The following NBAS variants were observed in gnomAD, a reference collection of about 807,000 sequenced individuals.
NBAS encodes NBAS subunit of NRZ tethering complex, also known as NAG/BC035112 fusion.
A neutral mutation model predicts 302.5 loss-of-function variants in NBAS; 219 were observed. That is an observed-to-expected ratio of 0.72 (90% CI 0.65 to 0.81). The LOEUF (loss-of-function observed/expected upper bound fraction) is 0.81, where lower values mean the gene tolerates loss of function less well. Ranked by LOEUF, NBAS falls within the 30% of genes least tolerant of loss-of-function variation. NBAS has a pLI of 0.00. For missense variants in NBAS, 2,932 were observed against 2,841.6 expected (o/e 1.03, Z -0.72); for synonymous variants, 1,118 against 1,021.6 (o/e 1.09, Z -1.80).
chr2:15,504,674 T>C (rs577562730), intron 10 of NBAS, among the ~76,000 whole-genome samples: 1 of 152,354 alleles, frequency 6.6e-6, no homozygotes, highest in African/African-American at 2.4e-5. Flanking sequence ...TGACAATTTT[T>C]TGTCTTTAGA....
intron 25 of NBAS, among the ~76,000 whole-genome samples, chr2:15,405,869 A>G (rs891582857): frequency 6.6e-6 from 1 of 152,136 alleles, no homozygotes; most frequent in African/African-American, 2.4e-5. Context: ...AAATGTGCAA[A>G]ACATCTAAGA....
At chr2:15,052,678 T>G in the NBAS span, among the ~76,000 whole-genome samples, 1 of 152,214 alleles carries the variant, frequency 6.6e-6, no homozygotes, top group Non-Finnish European at 1.5e-5. Context: ...CATTTATGTT[T>G]TATATTTAGT....
intron 19 of NBAS, among the ~76,000 whole-genome samples, chr2:15,463,807 C>G: frequency 1.6e-5 from 1 of 63,430 alleles, no homozygotes; most frequent in Non-Finnish European, 3.8e-5. Context: ...AAAAAAAAAG[C>G]ACCAGGAAAA....
the NBAS span, among the ~76,000 whole-genome samples, chr2:14,779,699 C>T: frequency 1.3e-5 from 2 of 152,194 alleles, no homozygotes; most frequent in Non-Finnish European, 2.9e-5. Flanking sequence ...GTGTTCTCCA[C>T]AAAACTTGCC....
intron 44 of NBAS, among the ~76,000 whole-genome samples, chr2:15,261,311 T>A (rs1668841636): frequency 6.6e-6 from 1 of 152,234 alleles, no homozygotes; most frequent in Admixed American, 6.5e-5. Context: ...GTGCTGTTTA[T>A]AAATCGTATA....
intron 29 of NBAS, among the ~76,000 whole-genome samples, 189 bp from the exon 30 acceptor site, chr2:15,380,020 G>A (rs759500693): frequency 1.1e-4 from 16 of 152,080 alleles, no homozygotes; most frequent in Admixed American, 2.6e-4. Flanking sequence ...TTTACATTAT[G>A]TGACTTTCTC....
rs373187476 is a variant in NBAS at position 15,187,905 on chromosome 2, G to A, written c.6573-1025C>T. Among the ~76,000 whole-genome samples, 17 of 152,320 alleles carry A rather than the reference G, an allele frequency of 1.1e-4. No individual in the cohort carries two copies. In the South Asian group the frequency reaches 2.1e-3, roughly 19 times the overall value. On this transcript the variant is annotated intron_variant, in intron 49 of 51. Coordinates refer to ENST00000281513, the MANE Select transcript of NBAS (RefSeq NM_015909.4). ...GTCTCAGCTCAAACTGACAATCTGT[G>A]CGAACAAAGAACACTGCTTACTTCA...
At chr2:14,950,135 A>G in the NBAS span, among the ~76,000 whole-genome samples, 1 of 152,138 alleles carries the variant, frequency 6.6e-6, no homozygotes, top group African/African-American at 2.4e-5. Flanking sequence ...ACACTGCACC[A>G]TATATGTTGT....
the NBAS span, among the ~76,000 whole-genome samples, chr2:15,071,351 C>T: frequency 4.6e-5 from 7 of 152,152 alleles, no homozygotes; most frequent in African/African-American, 9.7e-5. Flanking sequence ...AGGGGCCGGG[C>T]GCGGTGGCTC....
intron 2 of NBAS, 104 bp from the exon 3 acceptor site, chr2:15,556,923 T>G: frequency 2.2e-6 from 2 of 894,802 alleles, no homozygotes; most frequent in Non-Finnish European, 3.6e-6. Flanking sequence ...ACAGAGCGAG[T>G]CATTAAAAAA....
At chr2:15,464,968 G>A (rs996276226) in intron 19 of NBAS, among the ~76,000 whole-genome samples, 1 of 152,192 alleles carries the variant, frequency 6.6e-6, no homozygotes, top group Non-Finnish European at 1.5e-5. Context: ...ACCTGATTAT[G>A]AGCCCTTGCT....
At chr2:15,162,982 A>C (rs557710810), downstream of NBAS, among the ~76,000 whole-genome samples, 39 of 152,288 alleles carry the variant, frequency 2.6e-4, no homozygotes, top group South Asian at 7.7e-3. Flanking sequence ...TTTTCTTTCC[A>C]AAAAGATAAG....
chr2:14,895,979 G>A, the NBAS span, among the ~76,000 whole-genome samples: 1 of 147,008 alleles, frequency 6.8e-6, no homozygotes, highest in Admixed American at 6.7e-5. Flanking sequence ...AAACCTGCAC[G>A]TGTTACCTCC....
chr2:14,899,564 T>C, the NBAS span, among the ~76,000 whole-genome samples: 2 of 152,212 alleles, frequency 1.3e-5, no homozygotes, highest in African/African-American at 2.4e-5. Flanking sequence ...ACTGTGTTGA[T>C]AGGCCATTCA....
chr2:15,228,597 T>C (rs549612333), intron 47 of NBAS, among the ~76,000 whole-genome samples: 10 of 152,300 alleles, frequency 6.6e-5, no homozygotes, highest in African/African-American at 2.4e-4. Context: ...TAAATGCCCA[T>C]CTAAAGATTA....
At position 15,429,037 on chromosome 2, in the gene NBAS, C is replaced by CAA. The variant is rs11405002; in HGVS notation, c.2340-1245_2340-1244dup. On this transcript the variant is annotated intron_variant, in intron 21 of 51. Transcript: ENST00000281513. Reference sequence around the variant, plus strand: ...TGGGTGACAGACTGATACTCTGTCTCAAAAAAAAAAAAAAGAATAAATTTA... The same window carrying CAA: ...TGGGTGACAGACTGATACTCTGTCTCAAAAAAAAAAAAAAAAGAATAAATTTA... Among the ~76,000 whole-genome samples, 1,065 of 132,464 alleles carry CAA rather than the reference C, an allele frequency of 8.0e-3. 6 individuals carry two copies. Among genetic ancestry groups the CAA allele is most frequent in the Middle Eastern group, 0.037 (10 of 268 alleles). The allele number at this position is 132,464 out of a possible 152,430, so 86.9% of individuals were successfully genotyped here.
At chr2:14,896,482 G>T in the NBAS span, among the ~76,000 whole-genome samples, 1 of 151,944 alleles carries the variant, frequency 6.6e-6, no homozygotes, top group Non-Finnish European at 1.5e-5. Flanking sequence ...TCCTTCCTCC[G>T]TGTTATGGGG....
At chr2:15,532,293 T>A (rs573992980) in intron 9 of NBAS, among the ~76,000 whole-genome samples, 5 of 151,760 alleles carry the variant, frequency 3.3e-5, no homozygotes, top group African/African-American at 1.2e-4. Flanking sequence ...ATCGAAACCA[T>A]CCTGGCTAAC....
chr2:15,374,672 C>T lies in NBAS; in HGVS notation c.3639G>A (p.Glu1213=), dbSNP rs1419285872. The change falls in exon 31 of 52, where the codon GAG becomes GAA. Residue 1213 remains glutamate, a synonymous_variant. Transcript: ENST00000281513. ...ITDRPPAIQE[E]LDLIQAVGCL... ...ATCCAACGGCTTGGATAAGATCTAGCTCCTCTTGAATGGCAGGGGGTCTGT... is the reference window on the plus strand; with the variant it reads ...ATCCAACGGCTTGGATAAGATCTAGTTCCTCTTGAATGGCAGGGGGTCTGT... 1 of 1,613,962 alleles carries T rather than the reference C, an allele frequency of 6.2e-7. No homozygotes were observed. The highest frequency in any genetic ancestry group is 1.3e-5 in the African/African-American group (1 of 75,042).
Sources: gnomAD v4.1 joint callset for allele counts (sites outside exome capture counted in the v4.1 genomes callset) on GRCh38, gnomAD v4.1.1 for gene constraint, MANE v1.5 for transcripts, NCBI Gene and HGNC (gene_info 2026-07-23, HGNC 2026-07-21) for gene names.